The following GALNTL6 variants were observed in gnomAD, a reference collection of about 807,000 sequenced individuals.
The protein encoded by GALNTL6 is polypeptide N-acetylgalactosaminyltransferase-like 6.
In GALNTL6, 46 loss-of-function variants were observed where a neutral mutation model predicts 73.7. The observed-to-expected ratio is 0.62, with a 90% CI of 0.49 to 0.80. The LOEUF (loss-of-function observed/expected upper bound fraction) is 0.80. GALNTL6 is among the 30% of genes least tolerant of loss of function. The pLI is 0.00. For missense variants in GALNTL6, 604 were observed against 755.0 expected, an observed-to-expected ratio of 0.80 and a Z score of 2.34; for synonymous variants, 259 against 263.7, an observed-to-expected ratio of 0.98 and a Z score of 0.17.
Position 172,547,762 on chromosome 4 carries a change from G to A in GALNTL6, c.553+199073G>A, listed in dbSNP as rs150910700. Among the ~76,000 whole-genome samples the A allele has an allele frequency of 8.3e-4, 126 of 152,146 alleles. 1 individual carries two copies. Among genetic ancestry groups the A allele is most frequent in the African/African-American group, 2.9e-3 (121 of 41,518 alleles). ...TGTAGATTTTTCTCTCCTTCACAAC[G>A]CTGATAGAAATGTAACTTTTCATTC... On this transcript the variant is annotated intron_variant, in intron 5 of 12. Transcript: ENST00000506823.
chr4:172,180,911 A>T (rs1291493649), intron 2 of GALNTL6, among the ~76,000 whole-genome samples: 1 of 152,224 alleles, frequency 6.6e-6, no homozygotes, highest in African/African-American at 2.4e-5. Flanking sequence ...CTTTTTGCTT[A>T]GGATTGTCTG....
chr4:172,966,855 T>G (rs1750352406), intron 10 of GALNTL6, among the ~76,000 whole-genome samples: 1 of 152,200 alleles, frequency 6.6e-6, no homozygotes, highest in Non-Finnish European at 1.5e-5. Context: ...CCGTGGGCAC[T>G]GCCCCAAGCT....
chr4:172,855,739 T>G (rs970986280), intron 7 of GALNTL6, among the ~76,000 whole-genome samples: 1 of 152,204 alleles, frequency 6.6e-6, no homozygotes, highest in African/African-American at 2.4e-5. Context: ...CAGAATTTCC[T>G]CAGCATGTAA....
At chr4:172,033,068 T>C (rs1177323719) in intron 2 of GALNTL6, among the ~76,000 whole-genome samples, 2 of 151,956 alleles carry the variant, frequency 1.3e-5, no homozygotes, top group Non-Finnish European at 2.9e-5. Flanking sequence ...AACATTTCTC[T>C]AGTAAAAAAG....
At chr4:172,878,870 G>A (rs1745317863) in intron 7 of GALNTL6, among the ~76,000 whole-genome samples, 1 of 151,662 alleles carries the variant, frequency 6.6e-6, no homozygotes. Flanking sequence ...ACTATTTTAA[G>A]CATAAAGACA....
intron 2 of GALNTL6, among the ~76,000 whole-genome samples, chr4:171,982,502 C>A (rs181573267): frequency 2.6e-5 from 4 of 151,918 alleles, no homozygotes; most frequent in Admixed American, 2.0e-4. Context: ...GTTTCACTGT[C>A]TTAGCCAGGA....
intron 5 of GALNTL6, among the ~76,000 whole-genome samples, chr4:172,361,215 A>G (rs1045182660): frequency 6.6e-6 from 1 of 152,246 alleles, no homozygotes; most frequent in Admixed American, 6.5e-5. Flanking sequence ...AACTCAATTT[A>G]TCCTATACAA....
intron 5 of GALNTL6, among the ~76,000 whole-genome samples, chr4:172,449,220 G>T (rs1290790645): frequency 6.6e-6 from 1 of 152,032 alleles, no homozygotes; most frequent in East Asian, 1.9e-4. Context: ...TTTCTCTTCT[G>T]CAACCAGTAC....
chr4:171,926,923 ATTTTGATG>A (rs1738001119), intron 2 of GALNTL6, among the ~76,000 whole-genome samples: 1 of 151,984 alleles, frequency 6.6e-6, no homozygotes, highest in African/African-American at 2.4e-5. Flanking sequence ...TGTTTATGAC[ATTTTGATG>A]TTTTTAATCC....
intron 2 of GALNTL6, among the ~76,000 whole-genome samples, chr4:172,141,741 A>G (rs1259438249): frequency 6.6e-6 from 1 of 152,022 alleles, no homozygotes; most frequent in Non-Finnish European, 1.5e-5. Context: ...GAAAAAGATG[A>G]CAAAGCCAAG....
intron 9 of GALNTL6, among the ~76,000 whole-genome samples, chr4:172,944,928 TGC>T (rs1331674014): frequency 2.5e-4 from 38 of 151,836 alleles, no homozygotes; most frequent in Admixed American, 1.5e-3. Flanking sequence ...CATGGTGGCA[TGC>T]GCCTGTAATC....
intron 2 of GALNTL6, among the ~76,000 whole-genome samples, chr4:172,012,008 G>T (rs142067062): frequency 1.1e-4 from 16 of 152,056 alleles, no homozygotes; most frequent in African/African-American, 3.6e-4. Context: ...TTATTGATTT[G>T]TCATTTCAGG....
chr4:172,576,085 T>C (rs1489835460), intron 5 of GALNTL6, among the ~76,000 whole-genome samples: 1 of 152,184 alleles, frequency 6.6e-6, no homozygotes, highest in Non-Finnish European at 1.5e-5. Context: ...TTCTAAGTAC[T>C]TCTTTTATTT....
At chr4:172,982,894 T>A in intron 10 of GALNTL6, among the ~76,000 whole-genome samples, 1 of 152,148 alleles carries the variant, frequency 6.6e-6, no homozygotes, top group East Asian at 1.9e-4. Flanking sequence ...GAGGGTCAAC[T>A]ATCACATGTT....
chr4:171,916,217 C>T (rs59881622), intron 2 of GALNTL6, among the ~76,000 whole-genome samples: 7,838 of 151,742 alleles, frequency 0.052, 602 homozygotes, highest in African/African-American at 0.17. Flanking sequence ...AAACTAATTA[C>T]TTAGTTTTGG....
chr4:172,580,949 A>T (rs1327240173), intron 5 of GALNTL6, among the ~76,000 whole-genome samples: 1 of 152,140 alleles, frequency 6.6e-6, no homozygotes, highest in African/African-American at 2.4e-5. Flanking sequence ...TTTAGTAAAG[A>T]TGGAGTTTCT....
At chr4:172,572,324 C>G (rs1736792734) in intron 5 of GALNTL6, among the ~76,000 whole-genome samples, 1 of 152,128 alleles carries the variant, frequency 6.6e-6, no homozygotes, top group Non-Finnish European at 1.5e-5. Flanking sequence ...GAGAACCTCA[C>G]ATGGATTATT....
At chr4:172,444,114 C>A (rs1005751238) in intron 5 of GALNTL6, among the ~76,000 whole-genome samples, 6 of 152,098 alleles carry the variant, frequency 3.9e-5, no homozygotes, top group Admixed American at 3.9e-4. Flanking sequence ...AGAGATTAGT[C>A]TGGAGTATAT....
At chr4:172,421,351 T>C (rs74540941) in intron 5 of GALNTL6, among the ~76,000 whole-genome samples, 267 of 152,214 alleles carry the variant, frequency 1.8e-3, no homozygotes, top group African/African-American at 6.1e-3. Flanking sequence ...TCCAGTCATA[T>C]TGGTGCTCAG....
Sources: gnomAD v4.1 joint callset for allele counts (sites outside exome capture counted in the v4.1 genomes callset) on GRCh38, gnomAD v4.1.1 for gene constraint, MANE v1.5 for transcripts, NCBI Gene and HGNC (gene_info 2026-07-23, HGNC 2026-07-21) for gene names.